The following MED12L variants were observed in gnomAD, a reference collection of about 807,000 sequenced individuals.
MED12L encodes mediator complex subunit 12L, also known as mediator of RNA polymerase II transcription subunit 12-like protein.
MED12L carries 60 observed loss-of-function variants against 281.3 expected under a neutral mutation model. The observed-to-expected ratio is 0.21, with a 90% CI of 0.17 to 0.26. The LOEUF (loss-of-function observed/expected upper bound fraction) is 0.26, where lower values mean the gene tolerates loss of function less well. Ranked by LOEUF, MED12L falls within the 10% of genes least tolerant of loss-of-function variation. MED12L has a pLI of 1.00. For synonymous variants in MED12L, 974 were observed against 987.2 expected, an observed-to-expected ratio of 0.99 and a Z score of 0.25; for missense variants, 2,146 against 2,680.9, an observed-to-expected ratio of 0.80 and a Z score of 4.41.
intron 43 of MED12L, among the ~76,000 whole-genome samples, chr3:151,416,826 C>A (rs1248942357): frequency 2.0e-5 from 3 of 152,190 alleles, no homozygotes; most frequent in Non-Finnish European, 4.4e-5. Flanking sequence ...TATCTATTAT[C>A]TTCAATAAGA....
chr3:151,347,288 C>T (rs1409284229), intron 16 of MED12L, among the ~76,000 whole-genome samples: 1 of 152,126 alleles, frequency 6.6e-6, no homozygotes. Context: ...TATATTTGTT[C>T]ATTAGTCTGC....
intron 2 of MED12L, among the ~76,000 whole-genome samples, chr3:151,107,623 C>T (rs749386631): frequency 8.6e-5 from 13 of 151,894 alleles, no homozygotes; most frequent in Admixed American, 3.9e-4. Context: ...GAAAAGACAG[C>T]GTATGTGGGA....
At chr3:151,372,804 A>G (rs1560093301) in intron 27 of MED12L, 38 bp downstream of exon 27, 1 of 1,548,472 alleles carries the variant, frequency 6.5e-7, no homozygotes, top group Non-Finnish European at 8.9e-7. Context: ...TTGAGTACGT[A>G]ACTCTTCTTT....
Position 151,421,672 on chromosome 3 carries a change from G to A in MED12L, c.6408+5250G>A, listed in dbSNP as rs138559086. 6.2e-3 allele frequency among the ~76,000 whole-genome samples: 944 copies of A among 152,226 alleles called. 9 individuals carry two copies. Among genetic ancestry groups the A allele is most frequent in the Non-Finnish European group, 0.011 (729 of 68,018 alleles). Reference sequence around the variant, plus strand: ...GATCCACCTGCCTGGACCTCCCAAAGTGCTGGGATTATAGGCATGAGCCAC... The same window carrying A: ...GATCCACCTGCCTGGACCTCCCAAAATGCTGGGATTATAGGCATGAGCCAC... On this transcript the variant is annotated intron_variant, in intron 43 of 44. Transcript: ENST00000687756.
chr3:151,380,461 A>G (rs1280755935), intron 32 of MED12L, among the ~76,000 whole-genome samples: 1 of 151,954 alleles, frequency 6.6e-6, no homozygotes, highest in Non-Finnish European at 1.5e-5. Context: ...GCCGGGCATG[A>G]TGGTGTGCGC....
chr3:151,399,397 G>T (rs1160562211), intron 39 of MED12L, among the ~76,000 whole-genome samples: 1 of 152,106 alleles, frequency 6.6e-6, no homozygotes, highest in East Asian at 1.9e-4. Context: ...CATATCAAAT[G>T]GTTTACTTGT....
In MED12L at chr3:151,433,974, A is replaced by G. The variant is rs557495897; in HGVS notation, c.*1170A>G. 4.6e-5 allele frequency: 7 copies of G among 152,762 alleles called. No individual in the cohort carries two copies. Among genetic ancestry groups the G allele is most frequent in the African/African-American group, 1.7e-4 (7 of 41,568 alleles). 9.5% of individuals were successfully genotyped at this position (152,762 alleles called of 1,614,324 possible). A position where few individuals can be genotyped will look rare whatever the true frequency, so the allele number is the denominator to read the frequency against. ...TTCAAGTATGTGGTAATTTGCTCCT[A>G]TTAGAGTAAAAAAGAAACCAGTAAA... On this transcript the variant is annotated 3_prime_UTR_variant, in exon 45 of 45. Transcript: ENST00000687756.
chr3:151,253,831 A>G (rs1183798083), intron 16 of MED12L, among the ~76,000 whole-genome samples: 2 of 152,070 alleles, frequency 1.3e-5, no homozygotes, highest in South Asian at 2.1e-4. Flanking sequence ...GCTGAGAGCA[A>G]TCCATGGACA....
At chr3:151,343,361 G>A (rs1270074434) in intron 16 of MED12L, among the ~76,000 whole-genome samples, 1 of 152,174 alleles carries the variant, frequency 6.6e-6, no homozygotes, top group Non-Finnish European at 1.5e-5. Flanking sequence ...TAACAGTAGA[G>A]ATTTGAGGGA....
At chr3:151,375,352 C>T (rs1756698471) in intron 27 of MED12L, among the ~76,000 whole-genome samples, 1 of 152,108 alleles carries the variant, frequency 6.6e-6, no homozygotes, top group African/African-American at 2.4e-5. Flanking sequence ...TGATTTCTTA[C>T]TTTATTTAGT....
At chr3:151,137,258 C>T (rs1716291654) in intron 5 of MED12L, among the ~76,000 whole-genome samples, 1 of 151,834 alleles carries the variant, frequency 6.6e-6, no homozygotes, top group Non-Finnish European at 1.5e-5. Context: ...ATTTTACAAC[C>T]AAGTACACTT....
At chr3:151,114,590 T>C (rs1712436707) in intron 2 of MED12L, among the ~76,000 whole-genome samples, 1 of 152,190 alleles carries the variant, frequency 6.6e-6, no homozygotes, top group Non-Finnish European at 1.5e-5. Flanking sequence ...GTGCCGTGGC[T>C]ACCATTACTC....
At chr3:151,196,694 G>A (rs781116122) in intron 16 of MED12L, among the ~76,000 whole-genome samples, 1 of 152,218 alleles carries the variant, frequency 6.6e-6, no homozygotes, top group African/African-American at 2.4e-5. Context: ...GTGTGAGGCT[G>A]CTGGAGTTTC....
chr3:151,177,640 C>G (rs1722214145), intron 11 of MED12L, among the ~76,000 whole-genome samples: 1 of 151,406 alleles, frequency 6.6e-6, no homozygotes. Flanking sequence ...CAGATGTACA[C>G]TACCATGCCT....
intron 11 of MED12L, among the ~76,000 whole-genome samples, chr3:151,168,011 C>A (rs1406306975): frequency 6.6e-6 from 1 of 152,142 alleles, no homozygotes; most frequent in Non-Finnish European, 1.5e-5. Flanking sequence ...TGACTATATA[C>A]CTTCAGAGTG....
intron 12 of MED12L, among the ~76,000 whole-genome samples, chr3:151,185,793 G>A (rs779487955): frequency 1.2e-4 from 18 of 152,136 alleles, no homozygotes; most frequent in African/African-American, 4.1e-4. Context: ...GTGAGCTTAT[G>A]ATGGTGCCAC....
intron 8 of MED12L, among the ~76,000 whole-genome samples, chr3:151,160,460 G>A (rs1342841813): frequency 6.6e-6 from 1 of 152,146 alleles, no homozygotes; most frequent in Non-Finnish European, 1.5e-5. Context: ...ATCTTGGGTT[G>A]GTTGCCTGTC....
At chr3:151,305,155 A>C (rs1302692153) in intron 16 of MED12L, among the ~76,000 whole-genome samples, 10 of 152,180 alleles carry the variant, frequency 6.6e-5, no homozygotes. Context: ...ATGTCCCAGC[A>C]CTTGCAGGGT....
intron 2 of MED12L, among the ~76,000 whole-genome samples, chr3:151,104,817 G>T (rs1055963133): frequency 6.6e-6 from 1 of 152,164 alleles, no homozygotes; most frequent in African/African-American, 2.4e-5. Flanking sequence ...GCTTCTGCTA[G>T]CTCCAAGTAT....
Sources: allele counts gnomAD v4.1 joint callset (sites outside exome capture counted in the v4.1 genomes callset), GRCh38; gene constraint gnomAD v4.1.1; transcripts MANE v1.5; gene names NCBI Gene and HGNC (gene_info 2026-07-23, HGNC 2026-07-21).